MYH14: variants seen among roughly 807,000 people sequenced by gnomAD.
MYH14 encodes myosin-14.
Under a neutral mutation model 255.5 loss-of-function variants are expected in MYH14, and 123 were observed. The ratio of observed to expected loss-of-function variants is 0.48; its 90% CI spans 0.42 to 0.56. The LOEUF is 0.56. Ranked by LOEUF, MYH14 falls within the 20% of genes least tolerant of loss-of-function variation. The pLI, the probability that MYH14 is intolerant of heterozygous loss-of-function variation, is 0.00. For missense variants in MYH14, 2,423 were observed against 2,802.3 expected, an observed-to-expected ratio of 0.86 and a Z score of 3.06; for synonymous variants, 1,095 against 1,161.2, an observed-to-expected ratio of 0.94 and a Z score of 1.16.
At position 50,293,586 on chromosome 19, in the gene MYH14, C is replaced by T. The variant is rs778870714; in HGVS notation, c.5368C>T (p.Arg1790Cys). 12 of 1,612,900 alleles carry T rather than the reference C, an allele frequency of 7.4e-6. No homozygotes were observed. Among genetic ancestry groups the T allele is most frequent in the Middle Eastern group, 1.7e-4 (1 of 5,956 alleles). The stretch of plus-strand genomic sequence containing the variant: ...TAGGGCAGCCATTCTGGAGGAGAAG[C>T]GTCAGCTGGAGGGGCGCCTGGGGCA... The part of the protein sequence containing the change: ...LSKAAILEEK[R>C]QLEGRLGQLE... The change falls in exon 39 of 43, where the codon CGT becomes TGT. Residue 1790 changes from arginine to cysteine, a missense_variant. By Grantham distance (180) the Arg-to-Cys change is radical. Around this residue, in one of 3 missense-constraint regions of MYH14, gnomAD observed 1,513 missense variants for 1,674.8 expected, o/e 0.90. Transcript: ENST00000642316. The surrounding 1 kb of genome is among the most constrained non-coding windows in gnomAD (Gnocchi z 4.1).
intron 16 of MYH14, among the ~76,000 whole-genome samples, chr19:50,254,491 C>T (rs1568503797): frequency 6.6e-6 from 1 of 152,180 alleles, no homozygotes; most frequent in Non-Finnish European, 1.5e-5. Context: ...TCTTCATAAA[C>T]ACATGATTCT....
At chr19:50,212,131 C>A (rs2032229853) in intron 2 of MYH14, among the ~76,000 whole-genome samples, 1 of 152,182 alleles carries the variant, frequency 6.6e-6, no homozygotes, top group South Asian at 2.1e-4. Context: ...TGGGGTAGAG[C>A]AGTGGTTCTT....
chr19:50,309,463 A>C (rs1601082425), intron 42 of MYH14, 177 bp from the exon 43 acceptor site: 33 of 581,226 alleles, frequency 5.7e-5, no homozygotes, highest in African/African-American at 1.7e-4. Context: ...TCTGCCCCCC[A>C]TTGCTTCTGC....
At chr19:50,295,064 G>A (rs1399782888) in intron 39 of MYH14, among the ~76,000 whole-genome samples, 4 of 148,884 alleles carry the variant, frequency 2.7e-5, no homozygotes, top group South Asian at 4.2e-4. Flanking sequence ...GGTGGCTCAC[G>A]CCTGTAATCC....
intron 3 of MYH14, 55 bp from the exon 4 acceptor site, chr19:50,223,028 G>T: frequency 6.4e-7 from 1 of 1,554,672 alleles, no homozygotes; most frequent in Admixed American, 1.7e-5. Flanking sequence ...AGGGACCAGA[G>T]GGCCCTGCTA....
At position 50,280,186 on chromosome 19, in the gene MYH14, T is replaced by G. The variant is rs375264727; in HGVS notation, c.4137+45T>G. The G allele has an allele frequency of 1.5e-5, 24 of 1,558,004 alleles. No homozygotes were observed. Among genetic ancestry groups the G allele is most frequent in the Non-Finnish European group, 2.0e-5 (23 of 1,151,598 alleles). ...GGCTCCACCGTCACCCTCCCCTCCT[T>G]GTCCTCCCAGCCACACCTGACATTG... On this transcript the variant is annotated intron_variant, in intron 31 of 42. Coordinates refer to ENST00000642316, the MANE Select transcript of MYH14 (RefSeq NM_001145809.2). The surrounding 1 kb of genome is among the most constrained non-coding windows in gnomAD (Gnocchi z 4.8).
Position 50,280,162 on chromosome 19 carries a change from G to GCTCCACCGTCACCCTCCC in MYH14, c.4137+26_4137+43dup. 1 of 1,574,276 alleles carries GCTCCACCGTCACCCTCCC rather than the reference G, an allele frequency of 6.4e-7. No individual in the cohort carries two copies. Among genetic ancestry groups the GCTCCACCGTCACCCTCCC allele is most frequent in the Non-Finnish European group, 8.6e-7 (1 of 1,161,102 alleles). On this transcript the variant is annotated intron_variant, in intron 31 of 42. Transcript: ENST00000642316. The surrounding 1 kb of genome is among the most constrained non-coding windows in gnomAD (Gnocchi z 4.8). Reference sequence around the variant, plus strand: ...CCCAGGTGACCCTGCCTGCCCTTCGGCTCCACCGTCACCCTCCCCTCCTTG... The same window carrying GCTCCACCGTCACCCTCCC: ...CCCAGGTGACCCTGCCTGCCCTTCGGCTCCACCGTCACCCTCCCCTCCACCGTCACCCTCCCCTCCTTG...
intron 33 of MYH14, among the ~76,000 whole-genome samples, chr19:50,283,827 C>A (rs978586222): frequency 1.3e-5 from 2 of 152,180 alleles, no homozygotes; most frequent in African/African-American, 4.8e-5. Flanking sequence ...AATCCCAGCA[C>A]TTTGGGAGGC....
At chr19:50,291,165 G>T in intron 36 of MYH14, 117 bp downstream of exon 36, 2 of 871,914 alleles carry the variant, frequency 2.3e-6, no homozygotes, top group Middle Eastern at 2.3e-4. Flanking sequence ...GGCAGCATCC[G>T]CATGGGTCAG....
chr19:50,216,146 A>G (rs1022085826), intron 2 of MYH14, among the ~76,000 whole-genome samples: 2 of 152,188 alleles, frequency 1.3e-5, no homozygotes, highest in African/African-American at 4.8e-5. Context: ...TGCCTACATG[A>G]TACCCTTGTG....
chr19:50,226,856 G>A, intron 7 of MYH14, 47 bp from the exon 8 acceptor site: 1 of 1,594,354 alleles, frequency 6.3e-7, no homozygotes, highest in African/African-American at 1.3e-5. Flanking sequence ...CGTGTGAGTG[G>A]GGAAGGGGAC....
At chr19:50,224,039 T>TCCCCCCC in intron 5 of MYH14, 115 bp from the exon 6 acceptor site, 1 of 415,104 alleles carries the variant, frequency 2.4e-6, no homozygotes, top group Admixed American at 3.2e-5. Flanking sequence ...GTTTCCCCAG[T>TCCCCCCC]CCCCCTTCCC....
intron 39 of MYH14, among the ~76,000 whole-genome samples, chr19:50,300,977 A>G (rs1055838720): frequency 3.9e-5 from 6 of 151,948 alleles, no homozygotes; most frequent in Non-Finnish European, 8.8e-5. Context: ...CACAAAGGAG[A>G]ATATGCTAAT....
intron 34 of MYH14, among the ~76,000 whole-genome samples, chr19:50,287,067 G>T (rs140356519): frequency 5.1e-4 from 78 of 152,096 alleles, no homozygotes; most frequent in African/African-American, 1.8e-3. Context: ...TCAGTGAGCC[G>T]AGATCATTCC....
chr19:50,210,885 T>C, intron 2 of MYH14, 115 bp downstream of exon 2: 5 of 1,468,670 alleles, frequency 3.4e-6, no homozygotes, highest in Non-Finnish European at 9.0e-7. Flanking sequence ...CTGTATCCCA[T>C]GTCCCGTGAC....
intron 33 of MYH14, 28 bp from the exon 34 acceptor site, chr19:50,286,454 C>A: frequency 6.3e-7 from 1 of 1,597,090 alleles, no homozygotes; most frequent in Non-Finnish European, 8.5e-7. Flanking sequence ...ATCTATTTCC[C>A]CCTACCCCAT....
intron 40 of MYH14, among the ~76,000 whole-genome samples, 180 bp downstream of exon 40, chr19:50,302,049 G>A (rs185121850): frequency 7.3e-5 from 11 of 151,030 alleles, no homozygotes; most frequent in South Asian, 2.1e-4. Flanking sequence ...AGGCAGAAGC[G>A]GGAGGATCCC....
chr19:50,244,442 C>A, intron 11 of MYH14, 105 bp downstream of exon 11: 3 of 814,960 alleles, frequency 3.7e-6, no homozygotes, highest in Non-Finnish European at 6.2e-6. Context: ...CTTCCAGCCA[C>A]ACCTGTCTCC....
chr19:50,254,084 G>A (rs913912477), intron 16 of MYH14, among the ~76,000 whole-genome samples: 4 of 152,138 alleles, frequency 2.6e-5, no homozygotes, highest in African/African-American at 7.2e-5. Context: ...GGGCGTGGTG[G>A]CACATGCCTG....
Sources: allele counts gnomAD v4.1 joint callset (sites outside exome capture counted in the v4.1 genomes callset), GRCh38; gene constraint gnomAD v4.1.1; regional missense constraint gnomAD v4.1.1; non-coding constraint Gnocchi (gnomAD v3.1); transcripts MANE v1.5; gene names NCBI Gene and HGNC (gene_info 2026-07-23, HGNC 2026-07-21).